ARHGEF28: variants seen among roughly 807,000 people sequenced by gnomAD.
ARHGEF28 encodes 190 kDa guanine nucleotide exchange factor.
ARHGEF28 carries 152 observed loss-of-function variants against 206.6 expected under a neutral mutation model. The observed-to-expected ratio is 0.74, with a 90% CI of 0.64 to 0.84. The LOEUF is 0.84. Among genes scored for constraint, ARHGEF28 ranks in the 40% least tolerant of loss-of-function variants. ARHGEF28 has a pLI of 0.00. For synonymous variants in ARHGEF28, 763 were observed against 776.4 expected (o/e 0.98, Z 0.29); for missense variants, 2,028 against 2,073.2 (o/e 0.98, Z 0.42).
At chr5:73,814,123 T>C (rs144612424) in intron 9 of ARHGEF28, among the ~76,000 whole-genome samples, 275 of 152,234 alleles carry the variant, frequency 1.8e-3, no homozygotes, top group East Asian at 0.016. Context: ...TTTAAAAAAA[T>C]TTTTGTAATT....
chr5:73,875,726 T>C (rs1221202460), intron 22 of ARHGEF28, among the ~76,000 whole-genome samples: 2 of 151,598 alleles, frequency 1.3e-5, no homozygotes, highest in Non-Finnish European at 3.0e-5. Flanking sequence ...GATCAGATAG[T>C]TGTAGATATG....
intron 4 of ARHGEF28, among the ~76,000 whole-genome samples, chr5:73,761,009 A>T (rs11741379): frequency 6.6e-6 from 1 of 151,930 alleles, no homozygotes; most frequent in Non-Finnish European, 1.5e-5. Flanking sequence ...GATTCCGGTC[A>T]CTCTCTCTCC....
rs373475974 is a variant in ARHGEF28, at chr5:73,909,440, T to C, written c.4190T>C (p.Ile1397Thr). The C allele has an allele frequency of 2.6e-5, 42 of 1,611,718 alleles. No homozygotes were observed. Among genetic ancestry groups the C allele is most frequent in the Non-Finnish European group, 3.3e-5 (39 of 1,178,824 alleles). Residue 1397 changes from isoleucine to threonine, a missense_variant, in exon 34 of 36, where the codon ATT (isoleucine) becomes ACT (threonine). This residue lies in a region of ARHGEF28 where 803 missense variants were observed against 768.0 expected (regional missense o/e 1.05). Transcript: ENST00000513042. The stretch of plus-strand genomic sequence containing the variant: ...GCCTTGACCATTCAGGACAGCCACA[T>C]TGAGATCCACAGGCTGGTTCTCCAG... Reference protein sequence around the residue: ...QAALTIQDSHIEIHRLVLQQQ... With the variant: ...QAALTIQDSHTEIHRLVLQQQ...
chr5:73,938,160 C>CCACACACACACACACACACA lies in ARHGEF28; in HGVS notation c.4949-2663_4949-2644dup, dbSNP rs199804024. On this transcript the variant is annotated intron_variant, in intron 35 of 35. Coordinates refer to ENST00000513042, the MANE Select transcript of ARHGEF28 (RefSeq NM_001177693.2). ...GTTCTGATTAAACTTCTACACTACA[C>CCACACACACACACACACACA]CACACACACACACACACACACACAC... Among the ~76,000 whole-genome samples the CCACACACACACACACACACA allele has an allele frequency of 8.2e-4, 114 of 139,638 alleles. 1 individual carries two copies. The highest frequency in any genetic ancestry group is 1.2e-3 in the Admixed American group (17 of 13,810). 91.6% of individuals were successfully genotyped at this position (139,638 alleles called of 152,430 possible). A position where few individuals can be genotyped will look rare whatever the true frequency, so the allele number is the denominator to read the frequency against.
intron 29 of ARHGEF28, among the ~76,000 whole-genome samples, chr5:73,895,669 A>G (rs2043958807): frequency 6.6e-6 from 1 of 152,160 alleles, no homozygotes; most frequent in Non-Finnish European, 1.5e-5. Context: ...ACATCCCACA[A>G]CCTGCTTTCG....
At chr5:73,789,905 G>A (rs1383215972) in intron 7 of ARHGEF28, among the ~76,000 whole-genome samples, 3 of 152,114 alleles carry the variant, frequency 2.0e-5, no homozygotes, top group African/African-American at 7.2e-5. Flanking sequence ...GGAAGAGGCT[G>A]TTATCTTTAC....
chr5:73,641,402 G>C lies in ARHGEF28; in HGVS notation c.-12+15080G>C, dbSNP rs971005492. Among the ~76,000 whole-genome samples, 224 of 129,138 alleles carry C rather than the reference G, an allele frequency of 1.7e-3. 1 individual carries two copies. The highest frequency in any genetic ancestry group is 0.014 in the Admixed American group (193 of 13,802). 84.7% of individuals were successfully genotyped at this position (129,138 alleles called of 152,430 possible). A position where few individuals can be genotyped will look rare whatever the true frequency, so the allele number is the denominator to read the frequency against. ...AATGAAAAAATAATGGCAGGGGAAA[G>C]GCTTTTTTTTTTTTTTTTGGCTCAT... On this transcript the variant is annotated intron_variant, in intron 1 of 35. Transcript: ENST00000513042.
chr5:73,807,706 G>A (rs911836422), intron 9 of ARHGEF28, among the ~76,000 whole-genome samples: 21 of 151,584 alleles, frequency 1.4e-4, no homozygotes, highest in Admixed American at 3.3e-4. Context: ...GGCTGGTCTC[G>A]AACTCCTGAC....
At position 73,749,849 on chromosome 5, in the gene ARHGEF28, A is replaced by G. The variant is rs976736088; in HGVS notation, c.46A>G (p.Ile16Val). The G allele has an allele frequency of 6.2e-7, 1 of 1,613,968 alleles. No homozygotes were observed. The highest frequency in any genetic ancestry group is 8.5e-7 in the Non-Finnish European group (1 of 1,179,874). The change falls in exon 3 of 36, where the codon ATC (isoleucine) becomes GTC (valine). Residue 16 changes from isoleucine to valine, a missense_variant. Physicochemically the swap from Ile to Val is conservative, Grantham distance 29. Coordinates refer to ENST00000513042, the MANE Select transcript of ARHGEF28 (RefSeq NM_001177693.2). Reference protein sequence around the residue: ...SEAPLYGQMMIYAKFDKNVYL... With the variant: ...SEAPLYGQMMVYAKFDKNVYL... ...ATTCCTTTTTCAGGGGCAGATGATGATCTATGCGAAGTTTGACAAAAATGT... is the reference window on the plus strand; with the variant it reads ...ATTCCTTTTTCAGGGGCAGATGATGGTCTATGCGAAGTTTGACAAAAATGT...
At chr5:73,638,346 TGA>T (rs1743858750) in intron 1 of ARHGEF28, among the ~76,000 whole-genome samples, 1 of 152,238 alleles carries the variant, frequency 6.6e-6, no homozygotes, top group African/African-American at 2.4e-5. Flanking sequence ...TATACATGTG[TGA>T]ATCTATTTTT....
At chr5:73,672,938 C>T (rs1746439377) in intron 1 of ARHGEF28, among the ~76,000 whole-genome samples, 1 of 152,178 alleles carries the variant, frequency 6.6e-6, no homozygotes, top group Non-Finnish European at 1.5e-5. Context: ...TCCTCCCTAT[C>T]CCCACAACCA....
At chr5:73,667,754 A>G (rs1348177356) in intron 1 of ARHGEF28, among the ~76,000 whole-genome samples, 2 of 152,166 alleles carry the variant, frequency 1.3e-5, no homozygotes, top group African/African-American at 2.4e-5. Flanking sequence ...TCATTTTATT[A>G]TAAGTGGCCA....
chr5:73,913,540 G>C (rs1763027191), intron 35 of ARHGEF28, among the ~76,000 whole-genome samples: 1 of 152,194 alleles, frequency 6.6e-6, no homozygotes, highest in South Asian at 2.1e-4. Flanking sequence ...CACTGGTGAT[G>C]GCCTTAGCTA....
At chr5:73,780,531 C>A (rs1432823924) in intron 6 of ARHGEF28, 145 bp from the exon 7 acceptor site, 2 of 767,832 alleles carry the variant, frequency 2.6e-6, no homozygotes, top group African/African-American at 1.8e-5. Context: ...GCTATATGTT[C>A]TCCCAGCGGC....
At chr5:73,896,204 T>C (rs1761951376) in intron 29 of ARHGEF28, among the ~76,000 whole-genome samples, 1 of 152,054 alleles carries the variant, frequency 6.6e-6, no homozygotes, top group Non-Finnish European at 1.5e-5. Context: ...GAGATGAGGA[T>C]TGAGAAATGA....
chr5:73,803,206 A>G (rs1385304538), intron 9 of ARHGEF28: 1 of 155,444 alleles, frequency 6.4e-6, no homozygotes, highest in Non-Finnish European at 1.5e-5. Flanking sequence ...TTTGACAGTT[A>G]TGAAATGTAT....
intron 20 of ARHGEF28, among the ~76,000 whole-genome samples, chr5:73,869,556 T>C (rs1332734943): frequency 6.6e-6 from 1 of 152,202 alleles, no homozygotes; most frequent in African/African-American, 2.4e-5. Context: ...AATATTTGAT[T>C]CTTTGCTGTC....
intron 1 of ARHGEF28, among the ~76,000 whole-genome samples, chr5:73,671,650 A>C (rs1746304206): frequency 6.8e-6 from 1 of 146,224 alleles, no homozygotes. Flanking sequence ...AGGTGTGCCC[A>C]AGCAGAGAAT....
At chr5:73,807,735 C>T (rs1370631411) in intron 9 of ARHGEF28, among the ~76,000 whole-genome samples, 1 of 152,108 alleles carries the variant, frequency 6.6e-6, no homozygotes, top group Non-Finnish European at 1.5e-5. Context: ...ATCCACCCGC[C>T]TCAGCCTTCC....
Sources: allele counts gnomAD v4.1 joint callset (sites outside exome capture counted in the v4.1 genomes callset), GRCh38; gene constraint gnomAD v4.1.1; regional missense constraint gnomAD v4.1.1; transcripts MANE v1.5; gene names NCBI Gene and HGNC (gene_info 2026-07-23, HGNC 2026-07-21).